SPTLC3: variants seen among roughly 807,000 people sequenced by gnomAD.
The protein encoded by SPTLC3 is serine palmitoyltransferase long chain base subunit 3.
In SPTLC3, 36 loss-of-function variants were observed where a neutral mutation model predicts 59.3. The observed-to-expected ratio is 0.61, with a 90% CI of 0.47 to 0.80. The LOEUF is 0.80. Among genes scored for constraint, SPTLC3 ranks in the 30% least tolerant of loss-of-function variants. SPTLC3 has a pLI of 0.00. For missense variants in SPTLC3, 625 were observed against 685.1 expected, an observed-to-expected ratio of 0.91 and a Z score of 0.98; for synonymous variants, 257 against 240.8, an observed-to-expected ratio of 1.07 and a Z score of -0.62.
At chr20:13,042,034 C>T (rs1380484600) in intron 1 of SPTLC3, among the ~76,000 whole-genome samples, 2 of 152,230 alleles carry the variant, frequency 1.3e-5, no homozygotes, top group African/African-American at 4.8e-5. Flanking sequence ...TGCCCTGCGG[C>T]ATAAATTGCT....
At chr20:13,096,610 G>A (rs2122642536) in intron 6 of SPTLC3, among the ~76,000 whole-genome samples, 1 of 152,220 alleles carries the variant, frequency 6.6e-6, no homozygotes, top group Non-Finnish European at 1.5e-5. Flanking sequence ...TATGATGATA[G>A]AAATTATAAC....
rs764824885 is a variant in SPTLC3 at position 13,072,270 on chromosome 20, G to T, written c.318G>T (p.Leu106=). 2.5e-6 allele frequency: 4 copies of T among 1,613,076 alleles called. No homozygotes were observed. Among genetic ancestry groups the T allele is most frequent in the Non-Finnish European group, 3.4e-6 (4 of 1,179,678 alleles). The change falls in exon 3 of 12, where the codon CTG becomes CTT. Residue 106 remains leucine, a synonymous_variant. Coordinates refer to ENST00000399002, the MANE Select transcript of SPTLC3 (RefSeq NM_018327.4). The part of the protein sequence containing the change: ...ERKEQKDFVP[L]YQDFENFYTR... ...TGTTCTAACAGGATTTTGTGCCACT[G>T]TATCAAGACTTTGAAAATTTTTATA... is the stretch of plus-strand genomic sequence containing the variant.
At chr20:13,070,816 A>G (rs8122632) in intron 2 of SPTLC3, among the ~76,000 whole-genome samples, 1 of 152,044 alleles carries the variant, frequency 6.6e-6, no homozygotes, top group Non-Finnish European at 1.5e-5. Flanking sequence ...GGGAGCCATT[A>G]TAAGTTCTGA....
chr20:13,044,042 C>T (rs1034467998), intron 1 of SPTLC3, among the ~76,000 whole-genome samples: 6 of 151,988 alleles, frequency 3.9e-5, no homozygotes, highest in Non-Finnish European at 5.9e-5. Flanking sequence ...AGAGGACCCT[C>T]ATTCTCCCTC....
intron 4 of SPTLC3, among the ~76,000 whole-genome samples, chr20:13,081,415 G>C (rs1036207037): frequency 2.7e-4 from 41 of 152,106 alleles, no homozygotes; most frequent in Admixed American, 1.2e-3. Context: ...AATTATCAAG[G>C]CTCTTCCTGT....
intron 9 of SPTLC3, among the ~76,000 whole-genome samples, chr20:13,146,338 C>G (rs1234467264): frequency 6.6e-6 from 1 of 152,026 alleles, no homozygotes; most frequent in Non-Finnish European, 1.5e-5. Flanking sequence ...GGCTTAACAC[C>G]TGGCTGATGA....
At chr20:13,140,811 T>C (rs1376924040) in intron 9 of SPTLC3, among the ~76,000 whole-genome samples, 1 of 152,246 alleles carries the variant, frequency 6.6e-6, no homozygotes, top group Non-Finnish European at 1.5e-5. Flanking sequence ...GTGACACTTA[T>C]AATGTATGTG....
chr20:13,053,365 C>T (rs530237401), intron 2 of SPTLC3, among the ~76,000 whole-genome samples: 4 of 152,050 alleles, frequency 2.6e-5, no homozygotes, highest in Admixed American at 6.6e-5. Flanking sequence ...ACAAAAAGGA[C>T]GTCCACACAA....
At chr20:13,055,914 C>T (rs1230915743) in intron 2 of SPTLC3, among the ~76,000 whole-genome samples, 3 of 151,998 alleles carry the variant, frequency 2.0e-5, no homozygotes. Context: ...GATGAGAGGG[C>T]CTTTCAAGAG....
intron 4 of SPTLC3, among the ~76,000 whole-genome samples, chr20:13,089,457 T>A (rs1294637717): frequency 2.0e-5 from 3 of 152,088 alleles, no homozygotes; most frequent in Non-Finnish European, 2.9e-5. Flanking sequence ...ACACAGTATA[T>A]GCAGACTATT....
Position 13,164,872 on chromosome 20 carries a change from C to A in SPTLC3, c.*5C>A. ...AGCTTTGAACTCGAAGATTAAGTTT[C>A]CTGGTCCTGAATGACACATAAAGAC... On this transcript the variant is annotated 3_prime_UTR_variant, in exon 12 of 12. Transcript: ENST00000399002. The A allele has an allele frequency of 6.2e-7, 1 of 1,610,120 alleles. No individual in the cohort carries two copies. The highest frequency in any genetic ancestry group is 8.5e-7 in the Non-Finnish European group (1 of 1,177,558).
chr20:13,044,981 C>T (rs939927836), intron 1 of SPTLC3, among the ~76,000 whole-genome samples: 10 of 138,228 alleles, frequency 7.2e-5, no homozygotes, highest in African/African-American at 2.4e-4. Context: ...ACATTATGGT[C>T]ATTTGTGTCC....
chr20:13,126,739 A>G (rs368937343), intron 9 of SPTLC3, 22 bp downstream of exon 9: 10 of 1,613,228 alleles, frequency 6.2e-6, no homozygotes, highest in African/African-American at 1.3e-5. Flanking sequence ...TGCAGAGAGC[A>G]CAGCTCCTGG....
chr20:13,048,935 G>T lies in SPTLC3; in HGVS notation c.118-10G>T, dbSNP rs537591809. ...GAATGCTAACCTTGGATTTTCTTTT[G>T]TGTTTTCAGCAAAATGGGAAGCCAC... On this transcript the variant is annotated splice_polypyrimidine_tract_variant and intron_variant, in intron 1 of 11. Coordinates refer to ENST00000399002, the MANE Select transcript of SPTLC3 (RefSeq NM_018327.4). 123 of 1,538,640 alleles carry T rather than the reference G, an allele frequency of 8.0e-5. No homozygotes were observed. In the South Asian group the frequency reaches 1.6e-3, roughly 19 times the overall value.
intron 1 of SPTLC3, among the ~76,000 whole-genome samples, chr20:13,014,069 A>G (rs1322790237): frequency 1.3e-5 from 2 of 152,188 alleles, no homozygotes; most frequent in Non-Finnish European, 2.9e-5. Flanking sequence ...GGCTTCTAAG[A>G]GAGTAAAAAT....
chr20:13,163,090 G>A (rs1237653724), intron 11 of SPTLC3, among the ~76,000 whole-genome samples: 1 of 152,138 alleles, frequency 6.6e-6, no homozygotes, highest in Admixed American at 6.5e-5. Flanking sequence ...AATAGAGGTC[G>A]GGCGCAGTGG....
At chr20:13,072,874 C>T (rs1399777462) in intron 3 of SPTLC3, among the ~76,000 whole-genome samples, 1 of 152,206 alleles carries the variant, frequency 6.6e-6, no homozygotes. Flanking sequence ...CTCTGCCCAA[C>T]TTCATCATGG....
chr20:13,063,594 G>A (rs1988055365), intron 2 of SPTLC3, among the ~76,000 whole-genome samples: 1 of 151,096 alleles, frequency 6.6e-6, no homozygotes, highest in African/African-American at 2.4e-5. Flanking sequence ...TTATTTCTAT[G>A]TGCTGTCTGA....
intron 6 of SPTLC3, among the ~76,000 whole-genome samples, chr20:13,104,502 G>C (rs1366506493): frequency 3.3e-5 from 5 of 152,174 alleles, no homozygotes; most frequent in Non-Finnish European, 5.9e-5. Context: ...ACGTGGAGCT[G>C]TAAGTCCATT....
Sources: gnomAD v4.1 joint callset for allele counts (sites outside exome capture counted in the v4.1 genomes callset) on GRCh38, gnomAD v4.1.1 for gene constraint, MANE v1.5 for transcripts, NCBI Gene and HGNC (gene_info 2026-07-23, HGNC 2026-07-21) for gene names.